Variants in MRC1 observed in about 807,000 individuals in gnomAD.
MRC1 encodes macrophage mannose receptor 1.
Under a neutral mutation model 102.9 loss-of-function variants are expected in MRC1, and 62 were observed. The observed-to-expected ratio is 0.60, with a 90% confidence interval of 0.49 to 0.74. MRC1 has a LOEUF of 0.74. Among genes scored for constraint, MRC1 ranks in the 30% least tolerant of loss-of-function variants. The pLI is 0.00. For missense variants in MRC1, 1,237 were observed against 862.8 expected, an observed-to-expected ratio of 1.43 and a Z score of -5.43; for synonymous variants, 457 against 298.4, an observed-to-expected ratio of 1.53 and a Z score of -5.48.
chr10:17,894,431 G>A (rs1185091456), intron 23 of MRC1, 119 bp downstream of exon 23: 25 of 628,060 alleles, frequency 4.0e-5, no homozygotes, highest in East Asian at 8.5e-5. Context: ...GCAGAGTCTC[G>A]CTCTGTCGCC....
rs1333956709 is a variant in MRC1, at chr10:17,849,452, TA to T, written c.1064-124del. On this transcript the variant is annotated intron_variant, in intron 6 of 29. Coordinates refer to ENST00000569591, the MANE Select transcript of MRC1 (RefSeq NM_002438.4). ...ATATGTATGCTGCGAAAATAAAAACTAAATGTTACCTTTATTTGCCTAGTAA... is the reference window on the plus strand; with the variant it reads ...ATATGTATGCTGCGAAAATAAAAACTAATGTTACCTTTATTTGCCTAGTAA... The T allele has an allele frequency of 9.8e-6, 6 of 611,068 alleles. No homozygotes were observed. The African/African-American group carries it at 1.1e-4, about 11-fold the overall frequency. The allele number at this position is 611,068 out of a possible 1,614,324, so 37.9% of individuals were successfully genotyped here.
At chr10:17,875,046 T>C in intron 16 of MRC1, 44 bp from the exon 17 acceptor site, 2 of 780,682 alleles carry the variant, frequency 2.6e-6, no homozygotes, top group Non-Finnish European at 4.8e-6. Context: ...GATTCTTGAA[T>C]TTGTCTGCAT....
intron 1 of MRC1, among the ~76,000 whole-genome samples, chr10:17,818,684 C>G (rs1397877436): frequency 6.6e-6 from 1 of 152,096 alleles, no homozygotes; most frequent in African/African-American, 2.4e-5. Flanking sequence ...TGACATGCAC[C>G]TGTAATCCCA....
At chr10:17,867,338 C>T (rs1481746144) in intron 12 of MRC1, among the ~76,000 whole-genome samples, 1 of 143,522 alleles carries the variant, frequency 7.0e-6, no homozygotes, top group East Asian at 2.1e-4. Flanking sequence ...TCTTCTTCCT[C>T]CTCCTCCTCT....
intron 1 of MRC1, among the ~76,000 whole-genome samples, chr10:17,813,676 C>CAT (rs1312051464): frequency 1.5e-5 from 2 of 137,614 alleles, no homozygotes; most frequent in Non-Finnish European, 3.1e-5. Context: ...CACACACACA[C>CAT]ACACATTATA....
rs1342157480 is a variant in MRC1 at position 17,853,065 on chromosome 10, C to T, written c.1348C>T (p.Arg450Cys). Residue 450 changes from arginine to cysteine, a missense_variant, in exon 8 of 30, where the codon CGT (arginine) becomes TGT (cysteine). Physicochemically the swap from Arg to Cys is radical, Grantham distance 180 (BLOSUM62 -3). Coordinates refer to ENST00000569591, the MANE Select transcript of MRC1 (RefSeq NM_002438.4). ...GTPVTFTKWL[R>C]GEPSHENNRQ... ...CCCTGTAACGTTTACCAAATGGCTT[C>T]GTGGAGAACCAAGCCATGAAAACAA... 1.2e-5 allele frequency: 9 copies of T among 780,544 alleles called. No individual in the cohort carries two copies. Among genetic ancestry groups the T allele is most frequent in the Middle Eastern group, 2.2e-4 (1 of 4,458 alleles). The allele number at this position is 780,544 out of a possible 1,614,324, so 48.4% of individuals were successfully genotyped here.
intron 11 of MRC1, chr10:17,865,555 T>A (rs1554841434): frequency 6.6e-6 from 1 of 152,286 alleles, no homozygotes; most frequent in Non-Finnish European, 1.5e-5. Context: ...TGGTATATCC[T>A]TGATGGAAGG....
rs1838941726 is a variant in MRC1, at chr10:17,853,136, T to C, written c.1407+12T>C. The C allele has an allele frequency of 1.3e-6, 1 of 780,588 alleles. No homozygotes were observed. Among genetic ancestry groups the C allele is most frequent in the Non-Finnish European group, 2.4e-6 (1 of 417,742 alleles). The allele number at this position is 780,588 out of a possible 1,614,324, so 48.4% of individuals were successfully genotyped here. On this transcript the variant is annotated intron_variant, in intron 8 of 29. Transcript: ENST00000569591. ...TGATGAAAGGCAAGGTAAGGCCACT[T>C]GAATGACTGATATTTATAATGAAAG... is the stretch of plus-strand genomic sequence containing the variant.
chr10:17,862,820 A>G (rs1330127392), intron 10 of MRC1: 2 of 152,278 alleles, frequency 1.3e-5, no homozygotes, highest in African/African-American at 2.4e-5. Flanking sequence ...TCTTTTTCTC[A>G]AAAGACAGAC....
Position 17,910,452 on chromosome 10 carries a change from A to G in MRC1, c.4358A>G (p.His1453Arg), listed in dbSNP as rs1027843643. ...DLVGNIEQNE[H>R]SVI ...GTGGGCAATATTGAACAGAATGAAC[A>G]CTCGGTCATCTAGTACCTCAATGCG... The change falls in exon 30 of 30, where the codon CAC becomes CGC. Residue 1453 changes from histidine (H) to arginine (R), a missense_variant. Transcript: ENST00000569591. 1 of 780,750 alleles carries G rather than the reference A, an allele frequency of 1.3e-6. No homozygotes were observed. Among genetic ancestry groups the G allele is most frequent in the Non-Finnish European group, 2.4e-6 (1 of 417,950 alleles). 48.4% of individuals were successfully genotyped at this position (780,750 alleles called of 1,614,324 possible). A position where few individuals can be genotyped will look rare whatever the true frequency, so the allele number is the denominator to read the frequency against.
rs1838500454 is a variant in MRC1, at chr10:17,827,601, G to C, written c.523G>C (p.Glu175Gln). ...AACCTGTGCATTCCCGTTCAAGTTT[G>C]AAAACAAGTGGTACGCAGATTGCAC... is the stretch of plus-strand genomic sequence containing the variant. ...GATCAFPFKFENKWYADCTSA... is the reference protein window; with the variant it reads ...GATCAFPFKFQNKWYADCTSA... Residue 175 changes from glutamate (E) to glutamine (Q), a missense_variant, in exon 3 of 30, where the codon GAA (glutamate) becomes CAA (glutamine). Glu to Gln is a conservative substitution (Grantham distance 29). Coordinates refer to ENST00000569591, the MANE Select transcript of MRC1 (RefSeq NM_002438.4). The C allele has an allele frequency of 1.3e-6, 1 of 780,822 alleles. No homozygotes were observed. Among genetic ancestry groups the C allele is most frequent in the Middle Eastern group, 2.3e-4 (1 of 4,436 alleles). 48.4% of individuals were successfully genotyped at this position (780,822 alleles called of 1,614,324 possible).
intron 10 of MRC1, among the ~76,000 whole-genome samples, 181 bp downstream of exon 10, chr10:17,861,683 G>A (rs897549731): frequency 1.4e-4 from 21 of 152,006 alleles, no homozygotes; most frequent in Non-Finnish European, 2.1e-4. Flanking sequence ...ATTACAAACC[G>A]TTTTTGCTAA....
chr10:17,900,725 G>T, intron 24 of MRC1, 63 bp from the exon 25 acceptor site: 1 of 780,110 alleles, frequency 1.3e-6, no homozygotes, highest in Non-Finnish European at 2.4e-6. Flanking sequence ...TCTTGAATTG[G>T]TTCTTTTAGT....
At chr10:17,895,452 C>G (rs958973317) in intron 23 of MRC1, among the ~76,000 whole-genome samples, 54 of 151,580 alleles carry the variant, frequency 3.6e-4, no homozygotes, top group African/African-American at 1.1e-3. Context: ...TTACCTGTAC[C>G]TTTTTTAAAT....
At chr10:17,902,535 A>G (rs1833842532) in intron 26 of MRC1, among the ~76,000 whole-genome samples, 1 of 152,224 alleles carries the variant, frequency 6.6e-6, no homozygotes, top group African/African-American at 2.4e-5. Context: ...ATAAAACTCA[A>G]ATAGACACCA....
intron 10 of MRC1, among the ~76,000 whole-genome samples, chr10:17,862,503 C>T (rs1833199076): frequency 6.6e-6 from 1 of 152,116 alleles, no homozygotes; most frequent in Non-Finnish European, 1.5e-5. Flanking sequence ...TACATTTGGA[C>T]ATTTGTACAT....
At position 17,884,465 on chromosome 10, in the gene MRC1, G is replaced by A. The variant is rs959645710; in HGVS notation, c.2981-804G>A. 6.2e-4 allele frequency among the ~76,000 whole-genome samples: 95 copies of A among 152,274 alleles called. 1 individual carries two copies. Among genetic ancestry groups the A allele is most frequent in the Non-Finnish European group, 1.1e-3 (72 of 68,024 alleles). The stretch of plus-strand genomic sequence containing the variant: ...TCTCACACTACTATTAAGAGCTGCC[G>A]GAGACTGGGTAATTTATAAAGGAAA... On this transcript the variant is annotated intron_variant, in intron 21 of 29. Transcript: ENST00000569591.
intron 1 of MRC1, among the ~76,000 whole-genome samples, chr10:17,816,470 T>A (rs1838314976): frequency 6.6e-6 from 1 of 152,136 alleles, no homozygotes; most frequent in Non-Finnish European, 1.5e-5. Context: ...ACTCATCACA[T>A]CCAAGGTACA....
chr10:17,864,297 A>G (rs1271368418), intron 11 of MRC1, among the ~76,000 whole-genome samples: 1 of 152,084 alleles, frequency 6.6e-6, no homozygotes, highest in Non-Finnish European at 1.5e-5. Flanking sequence ...GCCACTGCGC[A>G]TGTCCTGTTT....
Sources: allele counts gnomAD v4.1 joint callset (sites outside exome capture counted in the v4.1 genomes callset), GRCh38; gene constraint gnomAD v4.1.1; transcripts MANE v1.5; gene names NCBI Gene and HGNC (gene_info 2026-07-23, HGNC 2026-07-21).